Variants in TMEM108 observed in about 807,000 individuals in gnomAD.
The protein encoded by TMEM108 is cancer/testis antigen 124.
Under a neutral mutation model 35.1 loss-of-function variants are expected in TMEM108, and 12 were observed. The observed-to-expected ratio is 0.34, with a 90% CI of 0.22 to 0.55. The LOEUF is 0.55. TMEM108 is among the 20% of genes least tolerant of loss of function. The probability of loss-of-function intolerance (pLI) is 0.89; values close to 1 mark genes in which losing one functional copy is unlikely to be tolerated. For synonymous variants in TMEM108, 287 were observed against 308.6 expected, an observed-to-expected ratio of 0.93 and a Z score of 0.73; for missense variants, 680 against 753.3, an observed-to-expected ratio of 0.90 and a Z score of 1.14.
intron 3 of TMEM108, among the ~76,000 whole-genome samples, chr3:133,316,860 C>T (rs3849405): frequency 0.31 from 46,523 of 152,022 alleles, 7,852 homozygotes; most frequent in East Asian, 0.47. Flanking sequence ...CCAGACAGAC[C>T]GTCTAAGTGA....
chr3:133,235,801 A>G (rs1946227565), intron 3 of TMEM108, among the ~76,000 whole-genome samples: 1 of 152,168 alleles, frequency 6.6e-6, no homozygotes, highest in East Asian at 1.9e-4. Context: ...GTGGGGCATT[A>G]TTATTGACCC....
At chr3:133,395,297 T>C (rs1484172531) in intron 5 of TMEM108, among the ~76,000 whole-genome samples, 2 of 152,212 alleles carry the variant, frequency 1.3e-5, no homozygotes, top group African/African-American at 4.8e-5. Context: ...GACCAGGCTC[T>C]GGAAGGACTC....
At chr3:133,381,891 G>A (rs1287034577) in intron 4 of TMEM108, among the ~76,000 whole-genome samples, 1 of 151,930 alleles carries the variant, frequency 6.6e-6, no homozygotes, top group African/African-American at 2.4e-5. Context: ...CGTAGGTGAT[G>A]TGAGCTGATT....
intron 3 of TMEM108, among the ~76,000 whole-genome samples, chr3:133,300,669 G>C (rs538360766): frequency 1.3e-5 from 2 of 152,084 alleles, no homozygotes; most frequent in Admixed American, 6.5e-5. Context: ...GGTTTAGTTT[G>C]AATGATTTTA....
At chr3:133,244,941 A>G (rs1437237217) in intron 3 of TMEM108, among the ~76,000 whole-genome samples, 1 of 152,192 alleles carries the variant, frequency 6.6e-6, no homozygotes, top group Non-Finnish European at 1.5e-5. Context: ...GGTTGGCTAG[A>G]TGTCATGTAA....
intron 2 of TMEM108, among the ~76,000 whole-genome samples, chr3:133,132,313 G>A (rs1944501875): frequency 6.6e-6 from 1 of 152,160 alleles, no homozygotes; most frequent in Non-Finnish European, 1.5e-5. Context: ...CAGAGGGCAG[G>A]GTGACTCTCT....
chr3:133,055,594 T>C (rs1290720567), intron 2 of TMEM108, among the ~76,000 whole-genome samples: 1 of 152,226 alleles, frequency 6.6e-6, no homozygotes, highest in Admixed American at 6.5e-5. Context: ...GGCCTAGGAC[T>C]GAAACCCCCA....
chr3:133,341,075 T>C (rs906650815), intron 3 of TMEM108, among the ~76,000 whole-genome samples: 29 of 151,322 alleles, frequency 1.9e-4, no homozygotes, highest in Admixed American at 1.9e-3. Flanking sequence ...AATCAGACAA[T>C]AGAAATAAAG....
intron 3 of TMEM108, among the ~76,000 whole-genome samples, chr3:133,285,285 G>A (rs1330406104): frequency 6.6e-6 from 1 of 152,094 alleles, no homozygotes; most frequent in African/African-American, 2.4e-5. Flanking sequence ...AAAAGCAATC[G>A]CTGATTTTGT....
chr3:133,083,180 A>ACCCCCCCCC (rs1188984370), intron 2 of TMEM108, among the ~76,000 whole-genome samples: 2 of 109,424 alleles, frequency 1.8e-5, no homozygotes, highest in Non-Finnish European at 1.8e-5. Flanking sequence ...GCCCCCCCCC[A>ACCCCCCCCC]CCCCCCGCCG....
At chr3:133,363,279 T>C (rs2107797758) in intron 3 of TMEM108, among the ~76,000 whole-genome samples, 1 of 152,272 alleles carries the variant, frequency 6.6e-6, no homozygotes, top group African/African-American at 2.4e-5. Flanking sequence ...ATTCAGTCCA[T>C]CTGGAACAGG....
chr3:133,279,784 G>A (rs1559890711), intron 3 of TMEM108, among the ~76,000 whole-genome samples: 3 of 152,176 alleles, frequency 2.0e-5, no homozygotes, highest in Admixed American at 6.5e-5. Flanking sequence ...AGCACTTACA[G>A]GCACAAAGCC....
intron 3 of TMEM108, among the ~76,000 whole-genome samples, chr3:133,280,848 G>A (rs1011307881): frequency 6.6e-6 from 1 of 152,160 alleles, no homozygotes; most frequent in African/African-American, 2.4e-5. Flanking sequence ...TTATCCACAT[G>A]GTTTCACATG....
intron 3 of TMEM108, among the ~76,000 whole-genome samples, chr3:133,319,154 C>T (rs1486288148): frequency 1.3e-5 from 2 of 152,118 alleles, no homozygotes; most frequent in African/African-American, 4.8e-5. Flanking sequence ...CAAGAACCAC[C>T]CCTTTATCCC....
In TMEM108 at chr3:133,218,785, A is replaced by G. The variant is rs558786187; in HGVS notation, c.-46-10481A>G. Among the ~76,000 whole-genome samples the G allele has an allele frequency of 3.9e-5, 6 of 152,112 alleles. No individual in the cohort carries two copies. The South Asian group carries it at 1.2e-3, about 32-fold the overall frequency. The stretch of plus-strand genomic sequence containing the variant: ...GTGCTGTTGAACTTTGTTTGCAAGC[A>G]TTTTGTTGAGGATTTTTGTGTCCTA... On this transcript the variant is annotated intron_variant, in intron 2 of 5. Coordinates refer to ENST00000321871, the MANE Select transcript of TMEM108 (RefSeq NM_023943.4).
chr3:133,298,889 C>A (rs1019079161), intron 3 of TMEM108, among the ~76,000 whole-genome samples: 1 of 152,134 alleles, frequency 6.6e-6, no homozygotes, highest in Non-Finnish European at 1.5e-5. Flanking sequence ...CAAAGACCAT[C>A]GGCTGCCTGT....
chr3:133,178,838 A>G (rs1945282284), intron 2 of TMEM108, among the ~76,000 whole-genome samples: 1 of 152,230 alleles, frequency 6.6e-6, no homozygotes, highest in Admixed American at 6.5e-5. Flanking sequence ...GAGCTTCTGC[A>G]CAGTAAAAGA....
chr3:133,358,344 G>A (rs112160940), intron 3 of TMEM108, among the ~76,000 whole-genome samples: 6,849 of 151,898 alleles, frequency 0.045, 499 homozygotes, highest in African/African-American at 0.16. Flanking sequence ...GCTAATTTTC[G>A]TATTTTTAGT....
At chr3:133,175,187 A>G (rs971937988) in intron 2 of TMEM108, among the ~76,000 whole-genome samples, 3 of 152,230 alleles carry the variant, frequency 2.0e-5, no homozygotes, top group Non-Finnish European at 4.4e-5. Context: ...GAACAGACCA[A>G]ATTTACGTCT....
Sources: gnomAD v4.1 joint callset for allele counts (sites outside exome capture counted in the v4.1 genomes callset) on GRCh38, gnomAD v4.1.1 for gene constraint, MANE v1.5 for transcripts, NCBI Gene and HGNC (gene_info 2026-07-23, HGNC 2026-07-21) for gene names.